FCRL3: variants seen among roughly 807,000 people sequenced by gnomAD.
FCRL3 encodes Fc receptor-like protein 3.
FCRL3 carries 89 observed loss-of-function variants against 75.0 expected under a neutral mutation model. The ratio of observed to expected loss-of-function variants is 1.19; its 90% CI spans 1.00 to 1.42. The LOEUF (loss-of-function observed/expected upper bound fraction) is 1.42, where lower values mean the gene tolerates loss of function less well. FCRL3 is among the 40% of genes most tolerant of loss of function. The pLI is 0.00. For missense variants in FCRL3, 946 were observed against 880.0 expected, an observed-to-expected ratio of 1.07 and a Z score of -0.95; for synonymous variants, 376 against 348.5, an observed-to-expected ratio of 1.08 and a Z score of -0.88.
chr1:157,696,228 G>A lies in FCRL3; in HGVS notation c.944C>T (p.Ser315Leu), dbSNP rs1557832574. ...MVLICSVAQG[S>L]GTVTFSWHKE... Reference sequence around the variant, plus strand: ...GTGCCAGGAGAATGTGACAGTCCCTGAACCCTGGGCTACTGAGCAAATAAG... The same window carrying A: ...GTGCCAGGAGAATGTGACAGTCCCTAAACCCTGGGCTACTGAGCAAATAAG... Residue 315 changes from serine to leucine, a missense_variant, in exon 7 of 15, where the codon TCA becomes TTA. Coordinates refer to ENST00000368184, the MANE Select transcript of FCRL3 (RefSeq NM_052939.4). 6.2e-7 allele frequency: 1 copy of A among 1,614,012 alleles called. No homozygotes were observed. Among genetic ancestry groups the A allele is most frequent in the East Asian group, 2.2e-5 (1 of 44,868 alleles).
Position 157,678,588 on chromosome 1 carries a change from C to T in FCRL3, c.*122G>A. The T allele has an allele frequency of 6.5e-7, 1 of 1,534,590 alleles. No homozygotes were observed. Among genetic ancestry groups the T allele is most frequent in the Non-Finnish European group, 8.7e-7 (1 of 1,150,486 alleles). On this transcript the variant is annotated 3_prime_UTR_variant, in exon 15 of 15. Coordinates refer to ENST00000368184, the MANE Select transcript of FCRL3 (RefSeq NM_052939.4). ...GATTTGCAGACCTTTTGCTCAGCCT[C>T]ACATACCCTGCAGCCCAGCCTCGTA...
At position 157,694,094 on chromosome 1, in the gene FCRL3, A is replaced by G. The variant is rs1228164229; in HGVS notation, c.1411+1235T>C. On this transcript the variant is annotated intron_variant, in intron 8 of 14. Coordinates refer to ENST00000368184, the MANE Select transcript of FCRL3 (RefSeq NM_052939.4). ...TTTCTGTTTGTTTTGTAATGTGCCC[A>G]TTAAGTTAATACAGTAGTACATGTA... Among the ~76,000 whole-genome samples the G allele has an allele frequency of 2.0e-5, 3 of 152,152 alleles. No homozygotes were observed. In the East Asian group the frequency reaches 5.8e-4, roughly 29 times the overall value.
chr1:157,677,455 G>C lies in FCRL3; in HGVS notation c.*1255C>G. 2.0e-6 allele frequency: 2 copies of C among 985,446 alleles called. No individual in the cohort carries two copies. The highest frequency in any genetic ancestry group is 2.4e-6 in the Non-Finnish European group (2 of 829,954). The allele number at this position is 985,446 out of a possible 1,614,324, so 61.0% of individuals were successfully genotyped here. On this transcript the variant is annotated 3_prime_UTR_variant, in exon 15 of 15. Transcript: ENST00000368184. ...AGAGATTAATGTTAATATAATCTCA[G>C]TTGTCCCTAGGACTTGAGGTGTTCA...
At position 157,696,101 on chromosome 1, in the gene FCRL3, G is replaced by A; in HGVS notation, c.1071C>T (p.Tyr357=). ...GGCTGTGAACGTTATCAGCTGCACA[G>A]TAGTATCTCCCTGCATCACTCTCCT... The part of the protein sequence containing the change: ...TVKESDAGRY[Y]CAADNVHSPI... Residue 357 remains tyrosine, a synonymous_variant, in exon 7 of 15, where the codon TAC becomes TAT. Transcript: ENST00000368184. The A allele has an allele frequency of 6.2e-7, 1 of 1,613,780 alleles. No individual in the cohort carries two copies. The highest frequency in any genetic ancestry group is 2.2e-5 in the East Asian group (1 of 44,860).
intron 10 of FCRL3, among the ~76,000 whole-genome samples, chr1:157,686,536 C>A (rs979925856): frequency 6.6e-5 from 10 of 152,172 alleles, no homozygotes; most frequent in Non-Finnish European, 1.0e-4. Flanking sequence ...CAACTTCAAA[C>A]TATACTATAA....
In FCRL3 at chr1:157,690,428, A is replaced by G. The variant is rs750783956; in HGVS notation, c.1517T>C (p.Ile506Thr). Residue 506 changes from isoleucine (I) to threonine (T), a missense_variant, in exon 9 of 15, where the codon ATC (isoleucine) becomes ACC (threonine). Transcript: ENST00000368184. ...HCESLRGSFP[I>T]LYWFYHEDDT... Reference sequence around the variant, plus strand: ...ATCCTCGTGATAAAACCAGTACAGGATCGGGAAGGAGCCTCTCAGGGACTC... The same window carrying G: ...ATCCTCGTGATAAAACCAGTACAGGGTCGGGAAGGAGCCTCTCAGGGACTC... 2 of 1,614,250 alleles carry G rather than the reference A, an allele frequency of 1.2e-6. No individual in the cohort carries two copies. Among genetic ancestry groups the G allele is most frequent in the South Asian group, 2.2e-5 (2 of 91,090 alleles).
At position 157,678,555 on chromosome 1, in the gene FCRL3, A is replaced by C; in HGVS notation, c.*155T>G. 1 of 1,484,692 alleles carries C rather than the reference A, an allele frequency of 6.7e-7. No homozygotes were observed. The highest frequency in any genetic ancestry group is 8.9e-7 in the Non-Finnish European group (1 of 1,126,680). 92.0% of individuals were successfully genotyped at this position (1,484,692 alleles called of 1,614,324 possible). On this transcript the variant is annotated 3_prime_UTR_variant, in exon 15 of 15. Coordinates refer to ENST00000368184, the MANE Select transcript of FCRL3 (RefSeq NM_052939.4). ...TTCCTGGGGAACACACAGATCAGGC[A>C]CAGGGGAGATTTGCAGACCTTTTGC...
In FCRL3 at chr1:157,695,436, G is replaced by T. The variant is rs1385889785; in HGVS notation, c.1304C>A (p.Ala435Asp). 1 of 1,614,184 alleles carries T rather than the reference G, an allele frequency of 6.2e-7. No homozygotes were observed. Among genetic ancestry groups the T allele is most frequent in the East Asian group, 2.2e-5 (1 of 44,874 alleles). ...TGCAGTCAGAGAGAGGTTGAAGGAG[G>T]CTCCTCCTCCAGAGGGGGCTGAGCT... The part of the protein sequence containing the change: ...GNSSAPSGGG[A>D]SFNLSLTAEH... Residue 435 changes from alanine to aspartate, a missense_variant, in exon 8 of 15, where the codon GCC becomes GAC. Coordinates refer to ENST00000368184, the MANE Select transcript of FCRL3 (RefSeq NM_052939.4).
At chr1:157,691,469 A>G (rs1158556136) in intron 8 of FCRL3, among the ~76,000 whole-genome samples, 1 of 152,180 alleles carries the variant, frequency 6.6e-6, no homozygotes, top group Non-Finnish European at 1.5e-5. Flanking sequence ...GTGAATGTGG[A>G]AACTATTCAC....
In FCRL3 at chr1:157,680,693, G is replaced by T. The variant is rs186835317; in HGVS notation, c.2026+9C>A. On this transcript the variant is annotated intron_variant, in intron 13 of 14. Coordinates refer to ENST00000368184, the MANE Select transcript of FCRL3 (RefSeq NM_052939.4). ...CACCTCACCTCTATTTGCCTGAAAGGCATCTTACCTGAGTTTTCTTTTGTA... is the reference window on the plus strand; with the variant it reads ...CACCTCACCTCTATTTGCCTGAAAGTCATCTTACCTGAGTTTTCTTTTGTA... 35 of 1,613,146 alleles carry T rather than the reference G, an allele frequency of 2.2e-5. No homozygotes were observed. In the East Asian group the frequency reaches 7.6e-4, roughly 35 times the overall value.
chr1:157,689,688 G>A, intron 10 of FCRL3, 110 bp downstream of exon 10: 1 of 1,408,844 alleles, frequency 7.1e-7, no homozygotes, highest in Non-Finnish European at 9.6e-7. Flanking sequence ...GTGGAACTGA[G>A]GGCCTAGTAC....
In FCRL3 at chr1:157,683,200, A is replaced by G; in HGVS notation, c.1838+17T>C. 1 of 1,610,890 alleles carries G rather than the reference A, an allele frequency of 6.2e-7. No individual in the cohort carries two copies. Among genetic ancestry groups the G allele is most frequent in the Non-Finnish European group, 8.5e-7 (1 of 1,178,984 alleles). Reference sequence around the variant, plus strand: ...AAATCATGAAAATGTTGGCAGCACAAGAAGCAGAGACCTCACCTAGATGTT... The same window carrying G: ...AAATCATGAAAATGTTGGCAGCACAGGAAGCAGAGACCTCACCTAGATGTT... On this transcript the variant is annotated intron_variant, in intron 11 of 14. Transcript: ENST00000368184.
intron 10 of FCRL3, among the ~76,000 whole-genome samples, chr1:157,683,752 C>T (rs1654995669): frequency 6.6e-6 from 1 of 152,154 alleles, no homozygotes; most frequent in Non-Finnish European, 1.5e-5. Flanking sequence ...CACTGAACTG[C>T]AAATCATGTG....
At chr1:157,697,460 G>A (rs1189693141) in intron 5 of FCRL3, 36 bp from the exon 6 acceptor site, 1 of 1,523,440 alleles carries the variant, frequency 6.6e-7, no homozygotes, top group Admixed American at 2.2e-5. Context: ...CCAGGGTGGT[G>A]AGGCTCAGAG....
intron 10 of FCRL3, among the ~76,000 whole-genome samples, chr1:157,687,785 T>TG (rs1655265013): frequency 6.6e-6 from 1 of 150,906 alleles, no homozygotes; most frequent in Non-Finnish European, 1.5e-5. Context: ...GACTACTAGA[T>TG]GGGGGAGATG....
rs991071434 is a variant in FCRL3, at chr1:157,677,497, T to C, written c.*1213A>G. ...AGGTGTTCAGAGATATTTGGAAACATCAGGATTTCAGAATGGAGGTGAAGT... is the reference window on the plus strand; with the variant it reads ...AGGTGTTCAGAGATATTTGGAAACACCAGGATTTCAGAATGGAGGTGAAGT... On this transcript the variant is annotated 3_prime_UTR_variant, in exon 15 of 15. Coordinates refer to ENST00000368184, the MANE Select transcript of FCRL3 (RefSeq NM_052939.4). 1 of 985,322 alleles carries C rather than the reference T, an allele frequency of 1.0e-6. No homozygotes were observed. The highest frequency in any genetic ancestry group is 1.7e-5 in the African/African-American group (1 of 57,242). The allele number at this position is 985,322 out of a possible 1,614,324, so 61.0% of individuals were successfully genotyped here.
At chr1:157,691,308 G>A (rs1655528117) in intron 8 of FCRL3, among the ~76,000 whole-genome samples, 1 of 152,218 alleles carries the variant, frequency 6.6e-6, no homozygotes, top group Non-Finnish European at 1.5e-5. Flanking sequence ...TTAACTGTAA[G>A]ATTGCTGGTT....
chr1:157,690,062 A>G, intron 9 of FCRL3, 145 bp from the exon 10 acceptor site: 1 of 1,336,236 alleles, frequency 7.5e-7, no homozygotes, highest in African/African-American at 1.5e-5. Flanking sequence ...TATGAAAGGT[A>G]TTCTCCAGCA....
intron 10 of FCRL3, among the ~76,000 whole-genome samples, chr1:157,683,461 C>T (rs917690310): frequency 6.6e-6 from 1 of 152,160 alleles, no homozygotes; most frequent in Non-Finnish European, 1.5e-5. Context: ...CACACTCATT[C>T]TGAATCATTT....
Sources: allele counts gnomAD v4.1 joint callset (sites outside exome capture counted in the v4.1 genomes callset), GRCh38; gene constraint gnomAD v4.1.1; transcripts MANE v1.5; gene names NCBI Gene and HGNC (gene_info 2026-07-23, HGNC 2026-07-21).